RAB11FIP3: variants seen among roughly 807,000 people sequenced by gnomAD.
RAB11FIP3 encodes the protein rab11 family-interacting protein 3.
Under a neutral mutation model 77.8 loss-of-function variants are expected in RAB11FIP3, and 17 were observed. The observed-to-expected ratio is 0.22, with a 90% CI of 0.15 to 0.33. RAB11FIP3 has a LOEUF of 0.33. Among genes scored for constraint, RAB11FIP3 ranks in the 10% least tolerant of loss-of-function variants. RAB11FIP3 has a pLI of 1.00. For synonymous variants in RAB11FIP3, 437 were observed against 448.2 expected (o/e 0.98, Z 0.31); for missense variants, 1,005 against 1,011.2 (o/e 0.99, Z 0.08).
At chr16:501,284 C>T (rs2031497512) in intron 6 of RAB11FIP3, among the ~76,000 whole-genome samples, 1 of 152,238 alleles carries the variant, frequency 6.6e-6, no homozygotes, top group Non-Finnish European at 1.5e-5. Context: ...TGCCTCTAGA[C>T]CCCCATTTCA....
intron 1 of RAB11FIP3, among the ~76,000 whole-genome samples, chr16:459,267 C>T (rs1030327010): frequency 2.0e-5 from 3 of 151,190 alleles, no homozygotes; most frequent in Non-Finnish European, 4.4e-5. Context: ...GCTGGGGTTA[C>T]AGGTTCCCAC....
intron 2 of RAB11FIP3, among the ~76,000 whole-genome samples, chr16:463,835 G>T (rs1423474611): frequency 2.6e-5 from 4 of 152,208 alleles, no homozygotes; most frequent in Admixed American, 6.5e-5. Flanking sequence ...TGGCCCCGGG[G>T]CCTCTGTGGT....
intron 1 of RAB11FIP3, among the ~76,000 whole-genome samples, chr16:435,136 T>G: frequency 7.0e-6 from 1 of 142,654 alleles, no homozygotes; most frequent in Non-Finnish European, 1.5e-5. Flanking sequence ...AGCTCAGAGG[T>G]GGAGGTTGCA....
At chr16:457,929 G>A (rs972398957) in intron 1 of RAB11FIP3, among the ~76,000 whole-genome samples, 1 of 152,248 alleles carries the variant, frequency 6.6e-6, no homozygotes. Flanking sequence ...GATAAGTGGG[G>A]AGATGTTTTA....
chr16:507,420 AT>A lies in RAB11FIP3; in HGVS notation c.1499+1800del, dbSNP rs1381957830. 6.6e-6 allele frequency among the ~76,000 whole-genome samples: 1 copy of A among 151,782 alleles called. No homozygotes were observed. The highest frequency in any genetic ancestry group is 2.4e-5 in the African/African-American group (1 of 41,292). ...GCCACCGTGCCCGGCCTAGTTTTTA[AT>A]TTTTTTATAGAGATGAGGTCTTGCC... On this transcript the variant is annotated intron_variant, in intron 8 of 13. Coordinates refer to ENST00000262305, the MANE Select transcript of RAB11FIP3 (RefSeq NM_014700.4). The surrounding 1 kb of genome is among the most constrained non-coding windows in gnomAD (Gnocchi z 4.6).
In RAB11FIP3 at chr16:514,070, C is replaced by T. The variant is rs2032302301; in HGVS notation, c.1640+3270C>T. ...CACAAGATAGGGGTCTCACGAGGCC[C>T]TCAGGGAGCAAGCAGGGCCCAGTGT... On this transcript the variant is annotated intron_variant, in intron 9 of 13. Transcript: ENST00000262305. The surrounding 1 kb of genome is among the most constrained non-coding windows in gnomAD (Gnocchi z 4.6). 1.3e-5 allele frequency among the ~76,000 whole-genome samples: 2 copies of T among 152,214 alleles called. No individual in the cohort carries two copies. The highest frequency in any genetic ancestry group is 4.1e-4 in the South Asian group (2 of 4,834).
rs377509491 is a variant in RAB11FIP3 at position 488,994 on chromosome 16, C to A, written c.1259C>A (p.Thr420Lys). 6.2e-7 allele frequency: 1 copy of A among 1,613,464 alleles called. No homozygotes were observed. The highest frequency in any genetic ancestry group is 1.3e-5 in the African/African-American group (1 of 74,920). ...QLGCSDPAFL[T>K]PSPTKRLSSK... ...GGCTGCAGTGACCCCGCTTTCCTCA[C>A]GCCCAGGTAATGACGCCTTGTTCCA... Residue 420 changes from threonine to lysine, a missense_variant, in exon 5 of 14, where the codon ACG becomes AAG. Around this residue, in one of 4 missense-constraint regions of RAB11FIP3, gnomAD observed 433 missense variants for 436.1 expected, o/e 0.99. Coordinates refer to ENST00000262305, the MANE Select transcript of RAB11FIP3 (RefSeq NM_014700.4).
intron 1 of RAB11FIP3, among the ~76,000 whole-genome samples, chr16:449,589 T>C (rs962858956): frequency 6.7e-6 from 1 of 149,394 alleles, no homozygotes; most frequent in Non-Finnish European, 1.5e-5. Flanking sequence ...GAGGCTGCAG[T>C]GAGCTGTGTT....
At chr16:494,367 A>G (rs1466120339) in intron 5 of RAB11FIP3, among the ~76,000 whole-genome samples, 1 of 151,724 alleles carries the variant, frequency 6.6e-6, no homozygotes, top group Non-Finnish European at 1.5e-5. Flanking sequence ...TCATGCCCGT[A>G]ATCCCAGCAC....
In RAB11FIP3 at chr16:458,773, C is replaced by T. The variant is rs527632368; in HGVS notation, c.715-2631C>T. Among the ~76,000 whole-genome samples, 3 of 152,382 alleles carry T rather than the reference C, an allele frequency of 2.0e-5. No homozygotes were observed. The East Asian group carries it at 5.8e-4, about 29-fold the overall frequency. On this transcript the variant is annotated intron_variant, in intron 1 of 13. Coordinates refer to ENST00000262305, the MANE Select transcript of RAB11FIP3 (RefSeq NM_014700.4). ...AGGGGCTTTCTTCAGGAGTCTGCCC[C>T]CTCTGTGGCTGAATGCTGCCTCCTT...
intron 1 of RAB11FIP3, among the ~76,000 whole-genome samples, chr16:453,903 T>C (rs1055042091): frequency 4.0e-5 from 6 of 151,660 alleles, no homozygotes; most frequent in African/African-American, 1.5e-4. Flanking sequence ...CCAAGGAAGC[T>C]ATTTTTGTAC....
rs2055810854 is a variant in RAB11FIP3, at chr16:471,636, TG to T, written c.903+250del. On this transcript the variant is annotated intron_variant, in intron 3 of 13. Coordinates refer to ENST00000262305, the MANE Select transcript of RAB11FIP3 (RefSeq NM_014700.4). The surrounding 1 kb of genome is among the most constrained non-coding windows in gnomAD (Gnocchi z 4.4). ...GGGCCTGTCGCCAGCAGAAGTGGGGTGGGCAGTGATGTCATGACCACCCGCT... is the reference window on the plus strand; with the variant it reads ...GGGCCTGTCGCCAGCAGAAGTGGGGTGGCAGTGATGTCATGACCACCCGCT... Among the ~76,000 whole-genome samples, 1 of 151,974 alleles carries T rather than the reference TG, an allele frequency of 6.6e-6. No individual in the cohort carries two copies. The highest frequency in any genetic ancestry group is 2.4e-5 in the African/African-American group (1 of 41,362).
rs2054927341 is a variant in RAB11FIP3 at position 425,759 on chromosome 16, C to T, written c.-248C>T. 3.0e-6 allele frequency: 1 copy of T among 336,692 alleles called. No homozygotes were observed. The highest frequency in any genetic ancestry group is 5.4e-6 in the Non-Finnish European group (1 of 186,166). The allele number at this position is 336,692 out of a possible 1,614,324, so 20.9% of individuals were successfully genotyped here. ...GTCCCCCGCCATCCGCCGCCCGGAT[C>T]CTCGCCGCCCTCCCTAGGCCGCCCC... On this transcript the variant is annotated 5_prime_UTR_variant, in exon 1 of 14. Coordinates refer to ENST00000262305, the MANE Select transcript of RAB11FIP3 (RefSeq NM_014700.4).
intron 11 of RAB11FIP3, 53 bp downstream of exon 11, chr16:519,944 G>A: frequency 1.3e-6 from 2 of 1,532,668 alleles, no homozygotes; most frequent in Middle Eastern, 2.2e-4. Flanking sequence ...TGCCCCACGG[G>A]GAGCCTTTGT....
At chr16:475,177 G>A in intron 3 of RAB11FIP3, 1 of 1,463,978 alleles carries the variant, frequency 6.8e-7, no homozygotes, top group Non-Finnish European at 9.1e-7. Flanking sequence ...AGAAGGAACT[G>A]TGACGGGGAC....
intron 3 of RAB11FIP3, among the ~76,000 whole-genome samples, chr16:480,286 C>CAAAAAAAAAAAAAAAAAAAAA (rs56228402): frequency 1.4e-4 from 11 of 80,018 alleles, no homozygotes; most frequent in African/African-American, 4.8e-4. Flanking sequence ...ACTCCTTCTC[C>CAAAAAAAAAAAAAAAAAAAAA]AAAAAAAAAA....
rs1567392092 is a variant in RAB11FIP3, at chr16:492,413, G to GT, written c.1265+3413_1265+3414insT. On this transcript the variant is annotated intron_variant, in intron 5 of 13. Coordinates refer to ENST00000262305, the MANE Select transcript of RAB11FIP3 (RefSeq NM_014700.4). ...AGCCCTCCCCGGGAGACCCGAGGCC[G>GT]CCCAGGGCCCTCCCCGGGAGACCCG... Among the ~76,000 whole-genome samples, 36 of 142,992 alleles carry GT rather than the reference G, an allele frequency of 2.5e-4. 1 individual carries two copies. The highest frequency in any genetic ancestry group is 8.8e-4 in the African/African-American group (34 of 38,464). 93.8% of individuals were successfully genotyped at this position (142,992 alleles called of 152,430 possible).
At chr16:484,375 G>A (rs1367577478) in intron 4 of RAB11FIP3, among the ~76,000 whole-genome samples, 4 of 150,426 alleles carry the variant, frequency 2.7e-5, no homozygotes, top group South Asian at 2.1e-4. Context: ...TTTTTGAGAC[G>A]GAGTCTCGCT....
At chr16:446,399 T>C (rs1596202438) in intron 1 of RAB11FIP3, among the ~76,000 whole-genome samples, 1 of 152,346 alleles carries the variant, frequency 6.6e-6, no homozygotes, top group South Asian at 2.1e-4. Flanking sequence ...GCAGGTGGGC[T>C]TTCCTTGGGA....
Sources: allele counts gnomAD v4.1 joint callset (sites outside exome capture counted in the v4.1 genomes callset), GRCh38; gene constraint gnomAD v4.1.1; regional missense constraint gnomAD v4.1.1; non-coding constraint Gnocchi (gnomAD v3.1); transcripts MANE v1.5; gene names NCBI Gene and HGNC (gene_info 2026-07-23, HGNC 2026-07-21).